GLI3: variants seen among roughly 807,000 people sequenced by gnomAD.
GLI3 encodes GLI family zinc finger 3.
A neutral mutation model predicts 100.8 loss-of-function variants in GLI3; 20 were observed. The ratio of observed to expected loss-of-function variants is 0.20; its 90% CI spans 0.14 to 0.29. The LOEUF is 0.29. Among genes scored for constraint, GLI3 ranks in the 10% least tolerant of loss-of-function variants. The pLI is 1.00. For missense variants in GLI3, 2,040 were observed against 2,128.5 expected (o/e 0.96, Z 0.82); for synonymous variants, 938 against 860.5 (o/e 1.09, Z -1.58).
chr7:42,126,727 A>C (rs1786142018), intron 3 of GLI3, among the ~76,000 whole-genome samples: 2 of 152,202 alleles, frequency 1.3e-5, no homozygotes, highest in Admixed American at 6.5e-5. Context: ...TTTTATCTGC[A>C]CAGTATTTAA....
At chr7:42,023,415 C>T in intron 10 of GLI3, 53 bp downstream of exon 10, 4 of 1,600,786 alleles carry the variant, frequency 2.5e-6, no homozygotes, top group Middle Eastern at 1.7e-4. Flanking sequence ...GCTGACCTCC[C>T]TGGAAAGTGT....
chr7:42,224,109 T>C (rs1285942826), intron 1 of GLI3, among the ~76,000 whole-genome samples: 1 of 152,230 alleles, frequency 6.6e-6, no homozygotes, highest in Non-Finnish European at 1.5e-5. Context: ...CCCTAACTCA[T>C]CATTCATCAA....
intron 7 of GLI3, 116 bp from the exon 8 acceptor site, chr7:42,026,528 A>G (rs941494634): frequency 2.4e-6 from 2 of 820,658 alleles, no homozygotes; most frequent in Non-Finnish European, 2.0e-6. Flanking sequence ...ATTTGTTTAA[A>G]TGAGAAGGTA....
chr7:42,238,866 T>C (rs1003487812), upstream of GLI3, among the ~76,000 whole-genome samples: 2 of 152,212 alleles, frequency 1.3e-5, no homozygotes, highest in African/African-American at 4.8e-5. Context: ...GCCCCGGAGC[T>C]CCGGGTTGCT....
intron 3 of GLI3, 50 bp downstream of exon 3, chr7:42,148,176 C>CAG: frequency 6.7e-7 from 1 of 1,498,206 alleles, no homozygotes; most frequent in Non-Finnish European, 9.1e-7. Context: ...CACACACACA[C>CAG]AGCCCTCCCC....
At chr7:42,157,931 T>C (rs1423073887) in intron 2 of GLI3, among the ~76,000 whole-genome samples, 1 of 152,224 alleles carries the variant, frequency 6.6e-6, no homozygotes, top group Non-Finnish European at 1.5e-5. Context: ...CTTTAAAAGA[T>C]TTTGATAAAT....
At chr7:42,070,024 A>T (rs1391183678) in intron 4 of GLI3, among the ~76,000 whole-genome samples, 1 of 152,230 alleles carries the variant, frequency 6.6e-6, no homozygotes, top group Admixed American at 6.5e-5. Flanking sequence ...TTGTGTTCTA[A>T]CATGGCTTCC....
At chr7:42,183,496 G>A (rs76136176) in intron 2 of GLI3, among the ~76,000 whole-genome samples, 9,291 of 152,154 alleles carry the variant, frequency 0.061, 316 homozygotes, top group African/African-American at 0.085. Flanking sequence ...GGACAATCAA[G>A]CTTTGAAAAG....
At chr7:42,126,042 T>A (rs1028664507) in intron 3 of GLI3, among the ~76,000 whole-genome samples, 25 of 152,022 alleles carry the variant, frequency 1.6e-4, no homozygotes, top group African/African-American at 6.0e-4. Flanking sequence ...TTAAAAGGAA[T>A]TTTTTTAAAA....
intron 2 of GLI3, chr7:42,152,305 T>G (rs776235425): frequency 2.8e-6 from 2 of 707,112 alleles, no homozygotes; most frequent in Non-Finnish European, 3.5e-6. Flanking sequence ...TCCTCTCTTG[T>G]CCCAAGACCT....
In GLI3 at chr7:42,022,078, T is replaced by C. The variant is rs573432030; in HGVS notation, c.1497+1390A>G. ...AGTTCATGGAAAAATTCTGGAAATATACCTTAATTAAAAACATTTGACTTT... is the reference window on the plus strand; with the variant it reads ...AGTTCATGGAAAAATTCTGGAAATACACCTTAATTAAAAACATTTGACTTT... On this transcript the variant is annotated intron_variant, in intron 10 of 14. Coordinates refer to ENST00000395925, the MANE Select transcript of GLI3 (RefSeq NM_000168.6). 2.1e-3 allele frequency among the ~76,000 whole-genome samples: 325 copies of C among 152,284 alleles called. 2 individuals carry two copies. Among genetic ancestry groups the C allele is most frequent in the African/African-American group, 7.6e-3 (314 of 41,554 alleles).
At position 41,972,021 on chromosome 7, in the gene GLI3, T is replaced by A. The variant is rs1441358235; in HGVS notation, c.2103+316A>T. On this transcript the variant is annotated intron_variant, in intron 13 of 14. Transcript: ENST00000395925. The surrounding 1 kb of genome is among the most constrained non-coding windows in gnomAD (Gnocchi z 4.4). ...ACCAGGGCAAAGAAGACAGAAAGCA[T>A]GTTTACAGGAAGAGTCAATGAATGA... Among the ~76,000 whole-genome samples, 1 of 152,208 alleles carries A rather than the reference T, an allele frequency of 6.6e-6. No homozygotes were observed. The highest frequency in any genetic ancestry group is 1.5e-5 in the Non-Finnish European group (1 of 68,042).
intron 2 of GLI3, among the ~76,000 whole-genome samples, chr7:42,179,838 T>C (rs965409260): frequency 1.3e-5 from 2 of 151,924 alleles, no homozygotes; most frequent in Non-Finnish European, 2.9e-5. Flanking sequence ...CTAGAAAAGG[T>C]GTAGCAGCCT....
intron 5 of GLI3, among the ~76,000 whole-genome samples, chr7:42,047,089 T>C (rs1411148538): frequency 6.6e-6 from 1 of 152,140 alleles, no homozygotes; most frequent in Non-Finnish European, 1.5e-5. Flanking sequence ...CCAGCAGGTC[T>C]GGGGTACAGT....
upstream of GLI3, among the ~76,000 whole-genome samples, chr7:42,264,103 A>G (rs1789174296): frequency 6.6e-6 from 1 of 152,068 alleles, no homozygotes; most frequent in Admixed American, 6.5e-5. Flanking sequence ...GCACTTCCCT[A>G]CCCAAAAATG....
chr7:42,263,750 A>C (rs553763527), intron 1 of GLI3, among the ~76,000 whole-genome samples: 1 of 152,034 alleles, frequency 6.6e-6, no homozygotes, highest in African/African-American at 2.4e-5. Flanking sequence ...ACCCCACCAG[A>C]TCTTGATGCC....
At chr7:42,139,203 G>A (rs1192270736) in intron 3 of GLI3, among the ~76,000 whole-genome samples, 4 of 151,910 alleles carry the variant, frequency 2.6e-5, no homozygotes, top group African/African-American at 9.7e-5. Context: ...CACTGTAAGT[G>A]GAAATTAAAA....
intron 2 of GLI3, among the ~76,000 whole-genome samples, chr7:42,182,703 TACACAC>T (rs1185017451): frequency 3.8e-5 from 4 of 104,214 alleles, no homozygotes; most frequent in Admixed American, 1.0e-4. Flanking sequence ...TATATATATA[TACACAC>T]ATATAAATAC....
chr7:42,171,893 T>C (rs957862153), intron 2 of GLI3, among the ~76,000 whole-genome samples: 1 of 152,104 alleles, frequency 6.6e-6, no homozygotes, highest in Non-Finnish European at 1.5e-5. Flanking sequence ...TAATGGTATT[T>C]GGGGGCAGAG....
Sources: gnomAD v4.1 joint callset for allele counts (sites outside exome capture counted in the v4.1 genomes callset) on GRCh38, gnomAD v4.1.1 for gene constraint, Gnocchi (gnomAD v3.1) non-coding constraint, MANE v1.5 for transcripts, NCBI Gene and HGNC (gene_info 2026-07-23, HGNC 2026-07-21) for gene names.